The following TOM1 variants were observed in gnomAD, a reference collection of about 807,000 sequenced individuals.
TOM1 encodes target of myb1 membrane trafficking protein, also known as target of Myb protein 1.
Under a neutral mutation model 61.3 loss-of-function variants are expected in TOM1, and 38 were observed. The ratio of observed to expected loss-of-function variants is 0.62; its 90% CI spans 0.48 to 0.81. The LOEUF (loss-of-function observed/expected upper bound fraction) is 0.81, where lower values mean the gene tolerates loss of function less well. Ranked by LOEUF, TOM1 falls within the 40% of genes least tolerant of loss-of-function variation. The probability of loss-of-function intolerance (pLI) is 0.00; values close to 1 mark genes in which losing one functional copy is unlikely to be tolerated. For missense variants in TOM1, 591 were observed against 659.6 expected, an observed-to-expected ratio of 0.90 and a Z score of 1.14; for synonymous variants, 270 against 268.8, an observed-to-expected ratio of 1.00 and a Z score of -0.04.
chr22:35,304,916 G>T (rs1926182704), intron 1 of TOM1, among the ~76,000 whole-genome samples: 1 of 152,232 alleles, frequency 6.6e-6, no homozygotes, highest in Non-Finnish European at 1.5e-5. Flanking sequence ...GTAAATATGG[G>T]CAGTCCCTGG....
chr22:35,311,373 T>G (rs1286173486), intron 1 of TOM1, among the ~76,000 whole-genome samples: 2 of 152,216 alleles, frequency 1.3e-5, no homozygotes, highest in African/African-American at 4.8e-5. Flanking sequence ...TTTGTTTACC[T>G]AGCAAGAAGC....
chr22:35,347,002 T>G, intron 14 of TOM1, 33 bp downstream of exon 14: 1 of 1,602,328 alleles, frequency 6.2e-7, no homozygotes, highest in Non-Finnish European at 8.5e-7. Context: ...GCCCTCTCCT[T>G]TCCCCAGGGC....
At position 35,332,676 on chromosome 22, in the gene TOM1, A is replaced by T. The variant is rs78408805; in HGVS notation, c.900-305A>T. On this transcript the variant is annotated intron_variant, in intron 8 of 14. Coordinates refer to ENST00000449058, the MANE Select transcript of TOM1 (RefSeq NM_005488.3). ...TCCTTACCTTTACTGCGTGCCATGC[A>T]TTCCTATTTTCTTTGCTGTTCTAAC... 8.6e-3 allele frequency among the ~76,000 whole-genome samples: 1,307 copies of T among 152,268 alleles called. 19 individuals are homozygous for T. Among genetic ancestry groups the T allele is most frequent in the African/African-American group, 0.03 (1,251 of 41,538 alleles).
chr22:35,310,349 T>C (rs1419409615), intron 1 of TOM1, among the ~76,000 whole-genome samples: 1 of 152,114 alleles, frequency 6.6e-6, no homozygotes. Context: ...GGTCAAGAGA[T>C]CGAGACCATC....
At chr22:35,301,387 G>A (rs1038929103) in intron 1 of TOM1, among the ~76,000 whole-genome samples, 3 of 152,094 alleles carry the variant, frequency 2.0e-5, no homozygotes, top group African/African-American at 7.2e-5. Context: ...CCTGGAAATC[G>A]CTTGGCAGTA....
At chr22:35,345,641 G>C in intron 12 of TOM1, 84 bp from the exon 13 acceptor site, 1 of 1,441,728 alleles carries the variant, frequency 6.9e-7, no homozygotes, top group Non-Finnish European at 9.7e-7. Flanking sequence ...GCTGCCCAGG[G>C]CCACCCAGCT....
intron 12 of TOM1, among the ~76,000 whole-genome samples, chr22:35,341,049 G>A (rs976733080): frequency 6.6e-6 from 1 of 152,206 alleles, no homozygotes; most frequent in Non-Finnish European, 1.5e-5. Flanking sequence ...CACATCCACC[G>A]CACACACCAG....
chr22:35,337,183 G>C (rs554354096), intron 11 of TOM1, among the ~76,000 whole-genome samples: 1 of 152,252 alleles, frequency 6.6e-6, no homozygotes, highest in Admixed American at 6.5e-5. Context: ...TGATCCGCGC[G>C]CCTTGGCCTC....
chr22:35,337,928 C>T (rs1259265133), intron 11 of TOM1, among the ~76,000 whole-genome samples: 1 of 152,242 alleles, frequency 6.6e-6, no homozygotes, highest in African/African-American at 2.4e-5. Flanking sequence ...ACCCCCACTG[C>T]GGCAGCTGGG....
intron 1 of TOM1, 21 bp downstream of exon 1, chr22:35,300,001 A>G: frequency 6.4e-6 from 10 of 1,559,686 alleles, no homozygotes; most frequent in Non-Finnish European, 7.8e-6. Context: ...GGAGCCCCCC[A>G]CAGCTCCGCC....
At chr22:35,320,986 G>GAAAAAAAAAAAAAA (rs1351623556) in intron 2 of TOM1, among the ~76,000 whole-genome samples, 4 of 31,350 alleles carry the variant, frequency 1.3e-4, no homozygotes, top group South Asian at 1.4e-3. Flanking sequence ...TGTCTCAGAA[G>GAAAAAAAAAAAAAA]GAAAAAAAAA....
Position 35,338,832 on chromosome 22 carries a change from G to A in TOM1, c.1224+44G>A, listed in dbSNP as rs749575881. Reference sequence around the variant, plus strand: ...CTGCCACCCTGGGGCCCTCCTGAAGGAGGTGAGGGAATGCTCACCCACTGG... The same window carrying A: ...CTGCCACCCTGGGGCCCTCCTGAAGAAGGTGAGGGAATGCTCACCCACTGG... On this transcript the variant is annotated intron_variant, in intron 12 of 14. Transcript: ENST00000449058. 7 of 1,512,504 alleles carry A rather than the reference G, an allele frequency of 4.6e-6. No homozygotes were observed. The African/African-American group carries it at 7.0e-5, about 15-fold the overall frequency. The allele number at this position is 1,512,504 out of a possible 1,614,324, so 93.7% of individuals were successfully genotyped here. A position where few individuals can be genotyped will look rare whatever the true frequency, so the allele number is the denominator to read the frequency against.
rs185310508 is a variant in TOM1 at position 35,312,209 on chromosome 22, A to G, written c.53-5668A>G. 2.2e-3 allele frequency among the ~76,000 whole-genome samples: 326 copies of G among 149,846 alleles called. 2 individuals carry two copies. The highest frequency in any genetic ancestry group is 3.4e-3 in the Middle Eastern group (1 of 294). Reference sequence around the variant, plus strand: ...CAGTGAGCCGAGATCGCACCACTGTACTCCAGCCTGGGCGACAGAACAAGA... The same window carrying G: ...CAGTGAGCCGAGATCGCACCACTGTGCTCCAGCCTGGGCGACAGAACAAGA... On this transcript the variant is annotated intron_variant, in intron 1 of 14. Transcript: ENST00000449058.
At chr22:35,320,323 T>C (rs1927658230) in intron 2 of TOM1, among the ~76,000 whole-genome samples, 1 of 152,100 alleles carries the variant, frequency 6.6e-6, no homozygotes, top group Non-Finnish European at 1.5e-5. Flanking sequence ...CAAAGGCTTT[T>C]AGACAAGAGC....
At chr22:35,300,704 G>T (rs1000664686) in intron 1 of TOM1, among the ~76,000 whole-genome samples, 7 of 152,212 alleles carry the variant, frequency 4.6e-5, no homozygotes, top group Non-Finnish European at 1.0e-4. Flanking sequence ...CCTGTCTGCT[G>T]GTCCGTGGTT....
intron 10 of TOM1, 92 bp downstream of exon 10, chr22:35,333,589 C>A: frequency 8.8e-7 from 1 of 1,131,840 alleles, no homozygotes; most frequent in Non-Finnish European, 1.3e-6. Flanking sequence ...TATATACCCA[C>A]AGCAGAGTGT....
chr22:35,315,803 G>A (rs1927229392), intron 1 of TOM1, among the ~76,000 whole-genome samples: 1 of 152,236 alleles, frequency 6.6e-6, no homozygotes, highest in Admixed American at 6.5e-5. Context: ...CGCAGAAACT[G>A]CCCTCCTCTG....
At chr22:35,308,306 C>T (rs1321938709) in intron 1 of TOM1, among the ~76,000 whole-genome samples, 4 of 134,372 alleles carry the variant, frequency 3.0e-5, no homozygotes, top group Non-Finnish European at 6.2e-5. Context: ...TTTTTTGAGA[C>T]GGAGTCTCAC....
At chr22:35,333,855 C>T (rs779259622) in intron 10 of TOM1, among the ~76,000 whole-genome samples, 3 of 152,126 alleles carry the variant, frequency 2.0e-5, no homozygotes, top group African/African-American at 7.2e-5. Flanking sequence ...GTATGAGAAG[C>T]GCTTAGACCA....
Sources: gnomAD v4.1 joint callset for allele counts (sites outside exome capture counted in the v4.1 genomes callset) on GRCh38, gnomAD v4.1.1 for gene constraint, MANE v1.5 for transcripts, NCBI Gene and HGNC (gene_info 2026-07-23, HGNC 2026-07-21) for gene names.